PXDNL: variants seen among roughly 807,000 people sequenced by gnomAD.
The protein encoded by PXDNL is peroxidasin like.
A neutral mutation model predicts 150.8 loss-of-function variants in PXDNL; 145 were observed. The observed-to-expected ratio is 0.96, with a 90% CI of 0.84 to 1.10. The LOEUF (loss-of-function observed/expected upper bound fraction) is 1.10. Ranked by LOEUF, PXDNL falls within the 50% of genes least tolerant of loss-of-function variation. The probability of loss-of-function intolerance (pLI) is 0.00; values close to 1 mark genes in which losing one functional copy is unlikely to be tolerated. For missense variants in PXDNL, 2,087 were observed against 1,873.9 expected (o/e 1.11, Z -2.10); for synonymous variants, 757 against 725.7 (o/e 1.04, Z -0.69).
At chr8:51,690,060 C>T (rs1423829269) in intron 1 of PXDNL, among the ~76,000 whole-genome samples, 5 of 152,132 alleles carry the variant, frequency 3.3e-5, no homozygotes, top group African/African-American at 1.2e-4. Flanking sequence ...TAAAACCGAG[C>T]TTTTTATATT....
intron 8 of PXDNL, among the ~76,000 whole-genome samples, chr8:51,469,486 G>A (rs1337550200): frequency 6.6e-6 from 1 of 151,812 alleles, no homozygotes; most frequent in Non-Finnish European, 1.5e-5. Context: ...TTGTAGTCTC[G>A]ATGTCTCTTA....
chr8:51,320,984 T>A, intron 21 of PXDNL, 87 bp from the exon 22 acceptor site: 1 of 979,432 alleles, frequency 1.0e-6, no homozygotes, highest in Non-Finnish European at 1.6e-6. Context: ...TGAAATGCTC[T>A]ATTCTGTAAG....
At chr8:51,364,462 T>C (rs1411688766) in intron 19 of PXDNL, among the ~76,000 whole-genome samples, 6 of 152,220 alleles carry the variant, frequency 3.9e-5, no homozygotes, top group Non-Finnish European at 8.8e-5. Flanking sequence ...GAATCAAGAC[T>C]TCTCTGCTAT....
chr8:51,562,845 CT>C (rs1375003353), intron 3 of PXDNL, among the ~76,000 whole-genome samples: 1 of 151,950 alleles, frequency 6.6e-6, no homozygotes, highest in African/African-American at 2.4e-5. Context: ...TGACAAATCA[CT>C]GAGCTCTTCA....
At chr8:51,351,220 T>C (rs1002517734) in intron 19 of PXDNL, among the ~76,000 whole-genome samples, 1 of 152,218 alleles carries the variant, frequency 6.6e-6, no homozygotes, top group Non-Finnish European at 1.5e-5. Context: ...AATTCATATG[T>C]TGAAATTCTA....
intron 1 of PXDNL, among the ~76,000 whole-genome samples, chr8:51,699,658 T>G (rs1816210120): frequency 6.6e-6 from 1 of 152,228 alleles, no homozygotes; most frequent in Non-Finnish European, 1.5e-5. Context: ...CCACATGCCT[T>G]CCTCACTAAG....
intron 3 of PXDNL, among the ~76,000 whole-genome samples, chr8:51,576,119 G>C (rs1006821111): frequency 4.3e-5 from 6 of 138,932 alleles, no homozygotes; most frequent in Admixed American, 1.5e-4. Context: ...GACCTAAACA[G>C]AAAATCACCC....
intron 3 of PXDNL, among the ~76,000 whole-genome samples, chr8:51,567,915 A>G (rs1812859741): frequency 6.6e-6 from 1 of 151,850 alleles, no homozygotes; most frequent in Non-Finnish European, 1.5e-5. Flanking sequence ...TTTAGAGAAT[A>G]ATATCAAGAA....
chr8:51,631,647 A>G (rs1814490371), intron 2 of PXDNL, among the ~76,000 whole-genome samples: 2 of 152,270 alleles, frequency 1.3e-5, no homozygotes, highest in Admixed American at 1.3e-4. Flanking sequence ...ACAATTATTA[A>G]ATTTCAGGGT....
rs923054601 is a variant in PXDNL, at chr8:51,683,311, C to G, written c.165-28551G>C. On this transcript the variant is annotated intron_variant, in intron 1 of 22. Transcript: ENST00000356297. ...CTCACTGTGGCTTTGATTTGCATCT[C>G]CCTAATGATTAGTGACATTAAGCGA... Among the ~76,000 whole-genome samples, 4 of 149,866 alleles carry G rather than the reference C, an allele frequency of 2.7e-5. 1 individual carries two copies. Among genetic ancestry groups the G allele is most frequent in the African/African-American group, 9.8e-5 (4 of 40,914 alleles).
chr8:51,453,103 C>T (rs1312338301), intron 10 of PXDNL, among the ~76,000 whole-genome samples: 2 of 152,236 alleles, frequency 1.3e-5, no homozygotes, highest in African/African-American at 2.4e-5. Context: ...TGTTGTTACG[C>T]AGTCTGGCCT....
chr8:51,695,093 C>G (rs1168136514), intron 1 of PXDNL, among the ~76,000 whole-genome samples: 1 of 152,158 alleles, frequency 6.6e-6, no homozygotes, highest in African/African-American at 2.4e-5. Context: ...TGGATACCTT[C>G]AGAGGCTGTG....
chr8:51,373,089 G>A (rs561362170), intron 18 of PXDNL, among the ~76,000 whole-genome samples: 1 of 152,298 alleles, frequency 6.6e-6, no homozygotes, highest in Non-Finnish European at 1.5e-5. Context: ...CTATGCCCCA[G>A]TACCTTCGAA....
intron 17 of PXDNL, among the ~76,000 whole-genome samples, chr8:51,388,184 A>T (rs1807780680): frequency 6.6e-6 from 1 of 152,184 alleles, no homozygotes; most frequent in Non-Finnish European, 1.5e-5. Context: ...AAATTGATGT[A>T]GGCTCTGTTT....
intron 3 of PXDNL, among the ~76,000 whole-genome samples, chr8:51,559,330 A>AACCC (rs1812664794): frequency 1.0e-4 from 10 of 98,064 alleles, no homozygotes; most frequent in Non-Finnish European, 2.1e-4. Context: ...TTTCTTCCAA[A>AACCC]CCCCCCCCCC....
chr8:51,662,567 T>A lies in PXDNL; in HGVS notation c.165-7807A>T, dbSNP rs184630092. 4.9e-4 allele frequency among the ~76,000 whole-genome samples: 74 copies of A among 152,256 alleles called. 2 individuals carry two copies. The highest frequency in any genetic ancestry group is 1.6e-3 in the African/African-American group (67 of 41,552). On this transcript the variant is annotated intron_variant, in intron 1 of 22. Transcript: ENST00000356297. ...AATACAACAATAAAAATACACATTT[T>A]AAAAAATAAAGAATCATAACTATTT...
chr8:51,559,014 G>T (rs1377996026), intron 3 of PXDNL, among the ~76,000 whole-genome samples: 1 of 151,854 alleles, frequency 6.6e-6, no homozygotes, highest in Non-Finnish European at 1.5e-5. Context: ...GAAAATTGGG[G>T]TTGTTGATTG....
chr8:51,409,282 C>A lies in PXDNL; in HGVS notation c.2342G>T (p.Arg781Leu), dbSNP rs781570739. 1 of 1,426,150 alleles carries A rather than the reference C, an allele frequency of 7.0e-7. No homozygotes were observed. Among genetic ancestry groups the A allele is most frequent in the East Asian group, 2.8e-5 (1 of 35,976 alleles). The allele number at this position is 1,426,150 out of a possible 1,614,324, so 88.3% of individuals were successfully genotyped here. A position where few individuals can be genotyped will look rare whatever the true frequency, so the allele number is the denominator to read the frequency against. Residue 781 changes from arginine (R) to leucine (L), a missense_variant, in exon 17 of 23, where the codon CGG (arginine) becomes CTG (leucine). Arg to Leu is a moderately radical substitution (Grantham distance 102, BLOSUM62 -2). Coordinates refer to ENST00000356297, the MANE Select transcript of PXDNL (RefSeq NM_144651.5). Reference sequence around the variant, plus strand: ...GCGCGCCCACACTGTGGCGACCAGCCGGGGCGGCGGGAGGGGCTGGCGGGA... The same window carrying A: ...GCGCGCCCACACTGTGGCGACCAGCAGGGGCGGCGGGAGGGGCTGGCGGGA... ...VGSRQPLPPPRLVATVWARAA... is the reference protein window; with the variant it reads ...VGSRQPLPPPLLVATVWARAA...
intron 3 of PXDNL, among the ~76,000 whole-genome samples, chr8:51,578,259 A>G (rs192013713): frequency 2.2e-4 from 33 of 152,026 alleles, no homozygotes; most frequent in Non-Finnish European, 3.5e-4. Context: ...TAATCTTAGA[A>G]TTTAAAAAGT....
Sources: allele counts gnomAD v4.1 joint callset (sites outside exome capture counted in the v4.1 genomes callset), GRCh38; gene constraint gnomAD v4.1.1; transcripts MANE v1.5; gene names NCBI Gene and HGNC (gene_info 2026-07-23, HGNC 2026-07-21).